The following CENPN variants were observed in gnomAD, a reference collection of about 807,000 sequenced individuals.
CENPN encodes interphase centromere complex protein 32.
In CENPN, 36 loss-of-function variants were observed where a neutral mutation model predicts 48.6. The observed-to-expected ratio is 0.74, with a 90% CI of 0.57 to 0.98. The LOEUF is 0.98. Ranked by LOEUF, CENPN falls within the 50% of genes least tolerant of loss-of-function variation. The probability of loss-of-function intolerance (pLI) is 0.00; values close to 1 mark genes in which losing one functional copy is unlikely to be tolerated. For synonymous variants in CENPN, 166 were observed against 135.2 expected, an observed-to-expected ratio of 1.23 and a Z score of -1.58; for missense variants, 439 against 399.2, an observed-to-expected ratio of 1.10 and a Z score of -0.85.
At chr16:81,022,840 G>T (rs748583491) in intron 7 of CENPN, 142 bp downstream of exon 7, 2 of 1,613,032 alleles carry the variant, frequency 1.2e-6, no homozygotes, top group South Asian at 2.2e-5. Context: ...TGCAATTAGT[G>T]AACATGAAAG....
chr16:81,019,541 T>TA (rs1210746573), intron 5 of CENPN, among the ~76,000 whole-genome samples: 2 of 152,130 alleles, frequency 1.3e-5, no homozygotes, highest in African/African-American at 4.8e-5. Flanking sequence ...ATCTTACTGT[T>TA]AAAGTTTATA....
Position 81,028,254 on chromosome 16 carries a change from T to C in CENPN, c.894T>C (p.Ser298=), listed in dbSNP as rs1295471563. ...EEPLRCLIKF[S]SPHLLEALKS... is the part of the protein sequence containing the mutation. ...CCCTCCGATGCCTAATAAAGTTCTC[T>C]AGCCCACATCTTCTGGAAGCATTGA... Residue 298 remains serine (S), a synonymous_variant, in exon 10 of 11, where the codon TCT becomes TCC. Transcript: ENST00000305850. 2.5e-6 allele frequency: 4 copies of C among 1,614,088 alleles called. No individual in the cohort carries two copies. The highest frequency in any genetic ancestry group is 2.5e-6 in the Non-Finnish European group (3 of 1,179,904).
chr16:81,016,497 C>T (rs1283882667), intron 3 of CENPN, among the ~76,000 whole-genome samples: 2 of 152,220 alleles, frequency 1.3e-5, no homozygotes, highest in Admixed American at 6.5e-5. Flanking sequence ...CACGATGGCT[C>T]ACGCCTGTAA....
intron 2 of CENPN, among the ~76,000 whole-genome samples, chr16:81,013,201 G>A (rs1423652067): frequency 2.0e-5 from 3 of 152,080 alleles, no homozygotes; most frequent in African/African-American, 4.8e-5. Context: ...GCAGTAAAAA[G>A]GAATGAAGTA....
In CENPN at chr16:81,031,114, G is replaced by C. The variant is rs2151725305; in HGVS notation, c.*2463G>C. 6.6e-6 allele frequency: 1 copy of C among 151,280 alleles called. No individual in the cohort carries two copies. Among genetic ancestry groups the C allele is most frequent in the Non-Finnish European group, 1.5e-5 (1 of 67,862 alleles). 9.4% of individuals were successfully genotyped at this position (151,280 alleles called of 1,614,324 possible). A position where few individuals can be genotyped will look rare whatever the true frequency, so the allele number is the denominator to read the frequency against. On this transcript the variant is annotated 3_prime_UTR_variant, in exon 11 of 11. Transcript: ENST00000305850. ...GGTTCAGAGCTCTAAAATGGAGGGA[G>C]GAAGCCATTCTAAAAAGGACTCCCT...
rs1246646799 is a variant in CENPN at position 81,020,273 on chromosome 16, T to G, written c.528T>G (p.Gly176=). 1 of 1,608,470 alleles carries G rather than the reference T, an allele frequency of 6.2e-7. No homozygotes were observed. The highest frequency in any genetic ancestry group is 8.5e-7 in the Non-Finnish European group (1 of 1,178,528). The change falls in exon 6 of 11, where the codon GGT becomes GGG. Residue 176 remains glycine (G), a synonymous_variant. Transcript: ENST00000305850. ...TGAGGCGCAATACACCGCTTCTGGG[T>G]CAGGTATGGAAAAAATTATTACAAG... is the stretch of plus-strand genomic sequence containing the variant. ...SMLRRNTPLL[G]QALTIASKHH...
chr16:81,022,767 A>G (rs769118400), intron 7 of CENPN, 69 bp downstream of exon 7: 5 of 1,614,114 alleles, frequency 3.1e-6, no homozygotes, highest in Non-Finnish European at 4.2e-6. Flanking sequence ...GTTAGAAGCT[A>G]CTGGGAAAAT....
chr16:81,021,331 G>A (rs1970185221), intron 6 of CENPN, among the ~76,000 whole-genome samples: 1 of 152,096 alleles, frequency 6.6e-6, no homozygotes, highest in Non-Finnish European at 1.5e-5. Context: ...TTTCCCCAAA[G>A]TTAGTTCTCC....
In CENPN at chr16:81,017,012, G is replaced by C. The variant is rs1033544430; in HGVS notation, c.218-314G>C. 5 of 274,412 alleles carry C rather than the reference G, an allele frequency of 1.8e-5. No individual in the cohort carries two copies. The East Asian group carries it at 4.2e-4, about 23-fold the overall frequency. The allele number at this position is 274,412 out of a possible 1,614,324, so 17.0% of individuals were successfully genotyped here. On this transcript the variant is annotated intron_variant, in intron 3 of 10. Transcript: ENST00000305850. ...GGTCCTGTGGGGCACAGCATTCCCTGTCGTGCCAGATTAATGTGGCATTCT... is the reference window on the plus strand; with the variant it reads ...GGTCCTGTGGGGCACAGCATTCCCTCTCGTGCCAGATTAATGTGGCATTCT...
rs1970334052 is a variant in CENPN, at chr16:81,023,885, CCTTG to C, written c.634-827_634-824del. 2.0e-5 allele frequency: 3 copies of C among 152,302 alleles called. No individual in the cohort carries two copies. The South Asian group carries it at 6.2e-4, about 32-fold the overall frequency. 9.4% of individuals were successfully genotyped at this position (152,302 alleles called of 1,614,324 possible). ...CACAAAGTCAGGAGATCAAGACCAT[CCTTG>C]CTAACACGGCGAAACCTTGTCTCTA... On this transcript the variant is annotated intron_variant, in intron 7 of 10. Coordinates refer to ENST00000305850, the MANE Select transcript of CENPN (RefSeq NM_001100624.3).
chr16:81,018,068 G>C (rs1970006823), intron 5 of CENPN, among the ~76,000 whole-genome samples: 1 of 152,122 alleles, frequency 6.6e-6, no homozygotes. Context: ...GTCCAACAGA[G>C]CTTTCTGCAG....
intron 8 of CENPN, among the ~76,000 whole-genome samples, chr16:81,026,165 A>G (rs12930666): frequency 5.5e-5 from 8 of 146,516 alleles, no homozygotes; most frequent in African/African-American, 1.8e-4. Context: ...GTGTATATAT[A>G]TGTGTATATA....
At chr16:81,018,945 G>C (rs568779621) in intron 5 of CENPN, among the ~76,000 whole-genome samples, 5 of 152,168 alleles carry the variant, frequency 3.3e-5, no homozygotes, top group Non-Finnish European at 7.3e-5. Flanking sequence ...TGAATCAGAG[G>C]GGAGCTGATA....
In CENPN at chr16:81,028,595, C is replaced by T; in HGVS notation, c.964C>T (p.Leu322=). 2 of 1,609,640 alleles carry T rather than the reference C, an allele frequency of 1.2e-6. No homozygotes were observed. Among genetic ancestry groups the T allele is most frequent in the South Asian group, 1.1e-5 (1 of 90,182 alleles). ...TATTGCAGATGCTCCACTTTCTCCA[C>T]TGCTCACTTGCATACCCAACAAGAG... ...AGIADAPLSP[L]LTCIPNKRMN... is the part of the protein sequence containing the mutation. Residue 322 remains leucine (L), a synonymous_variant, in exon 11 of 11, where the codon CTG becomes TTG. Coordinates refer to ENST00000305850, the MANE Select transcript of CENPN (RefSeq NM_001100624.3).
intron 5 of CENPN, among the ~76,000 whole-genome samples, chr16:81,018,914 C>T (rs1213525504): frequency 2.6e-5 from 4 of 152,344 alleles, no homozygotes; most frequent in Non-Finnish European, 5.9e-5. Flanking sequence ...CCTTTCTAGG[C>T]TCAGAGCTTT....
At chr16:81,028,048 C>T in intron 9 of CENPN, 123 bp from the exon 10 acceptor site, 1 of 865,820 alleles carries the variant, frequency 1.2e-6, no homozygotes, top group Non-Finnish European at 1.8e-6. Context: ...GTCCCCACCC[C>T]TGTTAATTCC....
rs550739470 is a variant in CENPN, at chr16:81,023,048, T to C, written c.633+350T>C. On this transcript the variant is annotated intron_variant, in intron 7 of 10. Transcript: ENST00000305850. ...TCTATGAAACAACAGAGAAGTAGAATTAACTTTTTGTCCCATCACTCAAGC... is the reference window on the plus strand; with the variant it reads ...TCTATGAAACAACAGAGAAGTAGAACTAACTTTTTGTCCCATCACTCAAGC... The C allele has an allele frequency of 8.0e-4, 501 of 626,934 alleles. 8 individuals carry two copies. In the South Asian group the frequency reaches 8.4e-3, roughly 11 times the overall value. 38.8% of individuals were successfully genotyped at this position (626,934 alleles called of 1,614,324 possible).
intron 6 of CENPN, among the ~76,000 whole-genome samples, chr16:81,021,757 T>G (rs1970216571): frequency 6.6e-6 from 1 of 150,436 alleles, no homozygotes; most frequent in Non-Finnish European, 1.5e-5. Flanking sequence ...AAGGCTAATG[T>G]TCTTTTTTTT....
rs1253646348 is a variant in CENPN, at chr16:81,030,779, C to G, written c.*2128C>G. ...ATAAAATAAAGGCCAGGCATGGTGG[C>G]TCACGCCTATAATCCCAGCACTTTC... On this transcript the variant is annotated 3_prime_UTR_variant, in exon 11 of 11. Transcript: ENST00000305850. 4 of 151,490 alleles carry G rather than the reference C, an allele frequency of 2.6e-5. No individual in the cohort carries two copies. The highest frequency in any genetic ancestry group is 1.5e-5 in the Non-Finnish European group (1 of 68,050). 9.4% of individuals were successfully genotyped at this position (151,490 alleles called of 1,614,324 possible). A position where few individuals can be genotyped will look rare whatever the true frequency, so the allele number is the denominator to read the frequency against.
Sources: allele counts gnomAD v4.1 joint callset (sites outside exome capture counted in the v4.1 genomes callset), GRCh38; gene constraint gnomAD v4.1.1; transcripts MANE v1.5; gene names NCBI Gene and HGNC (gene_info 2026-07-23, HGNC 2026-07-21).